OR4C6: variants seen among roughly 807,000 people sequenced by gnomAD.
OR4C6 encodes the protein olfactory receptor family 4 subfamily C member 6, also known as olfactory receptor 4C6.
A neutral mutation model predicts 13.9 loss-of-function variants in OR4C6; 20 were observed. That is an observed-to-expected ratio of 1.43 (90% CI 1.01 to 2.08). OR4C6 has a LOEUF of 2.08. OR4C6 is among the 30% of genes most tolerant of loss of function. OR4C6 has a pLI of 0.00. For missense variants in OR4C6, 555 were observed against 381.2 expected (o/e 1.46, Z -3.80); for synonymous variants, 193 against 141.5 (o/e 1.36, Z -2.58).
intron 1 of OR4C6, among the ~76,000 whole-genome samples, chr11:55,663,191 A>G (rs1858691207): frequency 7.3e-6 from 1 of 137,754 alleles, no homozygotes; most frequent in South Asian, 2.4e-4. Flanking sequence ...AGTATGGAAA[A>G]AAATAACAGG....
chr11:55,665,494 A>T lies in OR4C6; in HGVS notation c.328A>T (p.Ile110Phe), dbSNP rs1858729806. ...FVEHFFGGVG[I>F]ILLTVMAYDR... ...GGAGCATTTCTTTGGTGGTGTGGGG[A>T]TCATCCTCCTCACTGTGATGGCCTA... is the stretch of plus-strand genomic sequence containing the variant. The change falls in exon 2 of 2, where the codon ATC becomes TTC. Residue 110 changes from isoleucine to phenylalanine, a missense_variant. Coordinates refer to ENST00000314259, the MANE Select transcript of OR4C6 (RefSeq NM_001004704.2). 1.2e-6 allele frequency: 2 copies of T among 1,613,786 alleles called. No individual in the cohort carries two copies. Among genetic ancestry groups the T allele is most frequent in the South Asian group, 1.1e-5 (1 of 91,072 alleles).
rs528437339 is a variant in OR4C6 at position 55,665,895 on chromosome 11, G to A, written c.729G>A (p.Thr243=). ...TCTCTACCTGCAGCTCCCACCTCAC[G>A]GTGGTTGTATTGTTCTTTGTCCCCT... ...KALSTCSSHL[T]VVVLFFVPCI... The change falls in exon 2 of 2, where the codon ACG becomes ACA. Residue 243 remains threonine (T), a synonymous_variant. Coordinates refer to ENST00000314259, the MANE Select transcript of OR4C6 (RefSeq NM_001004704.2). 346 of 1,613,870 alleles carry A rather than the reference G, an allele frequency of 2.1e-4. 4 individuals carry two copies. In the South Asian group the frequency reaches 3.4e-3, roughly 16 times the overall value.
intron 1 of OR4C6, among the ~76,000 whole-genome samples, chr11:55,663,893 C>T (rs1244752992): frequency 7.3e-6 from 1 of 137,918 alleles, no homozygotes; most frequent in African/African-American, 2.5e-5. Context: ...TGAAGCTTTG[C>T]TTTTTGCAAA....
At chr11:55,662,909 G>A (rs1590486747) in intron 1 of OR4C6, among the ~76,000 whole-genome samples, 1 of 139,232 alleles carries the variant, frequency 7.2e-6, no homozygotes, top group Non-Finnish European at 1.6e-5. Flanking sequence ...ATTTCTCTAA[G>A]CCTCAGTTGC....
chr11:55,663,772 G>GT (rs34518678), intron 1 of OR4C6, among the ~76,000 whole-genome samples: 32,685 of 136,972 alleles, frequency 0.24, 8,989 homozygotes, highest in Admixed American at 0.32. Flanking sequence ...CACTTCCACA[G>GT]TTTCCTGTGG....
chr11:55,662,485 T>A (rs1336360757), intron 1 of OR4C6, among the ~76,000 whole-genome samples: 1 of 139,120 alleles, frequency 7.2e-6, no homozygotes, highest in East Asian at 2.3e-4. Flanking sequence ...ACTTTACTAT[T>A]CCCAGGAACT....
At chr11:55,664,594 G>T (rs537050596) in intron 1 of OR4C6, among the ~76,000 whole-genome samples, 3 of 152,094 alleles carry the variant, frequency 2.0e-5, no homozygotes, top group Non-Finnish European at 4.4e-5. Flanking sequence ...AATATACTTA[G>T]CATAGTGATT....
Position 55,665,905 on chromosome 11 carries a change from T to C in OR4C6, c.739T>C (p.Leu247=). The C allele has an allele frequency of 6.2e-7, 1 of 1,613,934 alleles. No individual in the cohort carries two copies. ...CAGCTCCCACCTCACGGTGGTTGTA[T>C]TGTTCTTTGTCCCCTGTATTTTCTT... ...TCSSHLTVVV[L]FFVPCIFLYM... is the part of the protein sequence containing the mutation. The change falls in exon 2 of 2, where the codon TTG becomes CTG. Residue 247 remains leucine, a synonymous_variant. Transcript: ENST00000314259.
Position 55,665,330 on chromosome 11 carries a change from C to T in OR4C6, c.164C>T (p.Ser55Leu), listed in dbSNP as rs770362920. ...VTIITSQSLR[S>L]PMYFFLTFLS... ...ATTATCACAAGTCAGAGTCTGAGGT[C>T]ACCTATGTATTTTTTTCTTACCTTC... The change falls in exon 2 of 2, where the codon TCA becomes TTA. Residue 55 changes from serine to leucine, a missense_variant. Physicochemically the swap from Ser to Leu is moderately radical, Grantham distance 145. Transcript: ENST00000314259. 3.1e-5 allele frequency: 50 copies of T among 1,613,514 alleles called. No individual in the cohort carries two copies. The highest frequency in any genetic ancestry group is 4.2e-5 in the Non-Finnish European group (49 of 1,179,774).
rs1401607144 is a variant in OR4C6, at chr11:55,665,601, G to A, written c.435G>A (p.Gly145=). The part of the protein sequence containing the change: ...SPRVCCLMVG[G]AWVGGFMHAM... ...GGGTGTGCTGCCTAATGGTAGGAGG[G>A]GCTTGGGTGGGGGGATTTATGCACG... Residue 145 remains glycine, a synonymous_variant, in exon 2 of 2, where the codon GGG becomes GGA. Coordinates refer to ENST00000314259, the MANE Select transcript of OR4C6 (RefSeq NM_001004704.2). 4 of 1,613,728 alleles carry A rather than the reference G, an allele frequency of 2.5e-6. No individual in the cohort carries two copies.
At position 55,665,867 on chromosome 11, in the gene OR4C6, C is replaced by A; in HGVS notation, c.701C>A (p.Ala234Asp). The A allele has an allele frequency of 6.2e-7, 1 of 1,613,886 alleles. No homozygotes were observed. The highest frequency in any genetic ancestry group is 8.5e-7 in the Non-Finnish European group (1 of 1,179,990). The change falls in exon 2 of 2, where the codon GCC (alanine) becomes GAC (aspartate). Residue 234 changes from alanine to aspartate, a missense_variant. Coordinates refer to ENST00000314259, the MANE Select transcript of OR4C6 (RefSeq NM_001004704.2). ...KSYSSKGRHK[A>D]LSTCSSHLTV... is the part of the protein sequence containing the mutation. ...TACAGCTCTAAAGGGCGGCACAAAG[C>A]CCTCTCTACCTGCAGCTCCCACCTC...
chr11:55,663,184 A>C lies in OR4C6; in HGVS notation c.-43+936A>C, dbSNP rs1368800871. Among the ~76,000 whole-genome samples the C allele has an allele frequency of 1.5e-5, 2 of 137,638 alleles. 1 individual carries two copies. Among genetic ancestry groups the C allele is most frequent in the Non-Finnish European group, 3.2e-5 (2 of 62,196 alleles). The allele number at this position is 137,638 out of a possible 152,430, so 90.3% of individuals were successfully genotyped here. ...ATACCCTTTGAACAGAAGATTAAGT[A>C]TGGAAAAAAATAACAGGGTATGAGT... On this transcript the variant is annotated intron_variant, in intron 1 of 1. Coordinates refer to ENST00000314259, the MANE Select transcript of OR4C6 (RefSeq NM_001004704.2).
chr11:55,664,377 G>A (rs187917696), intron 1 of OR4C6, among the ~76,000 whole-genome samples: 92 of 152,108 alleles, frequency 6.0e-4, no homozygotes, highest in African/African-American at 2.1e-3. Flanking sequence ...TTGGGGATCT[G>A]GAGTTTTGCT....
Position 55,665,340 on chromosome 11 carries a change from T to C in OR4C6, c.174T>C (p.Tyr58=). The change falls in exon 2 of 2, where the codon TAT becomes TAC. Residue 58 remains tyrosine, a synonymous_variant. Coordinates refer to ENST00000314259, the MANE Select transcript of OR4C6 (RefSeq NM_001004704.2). ...GTCAGAGTCTGAGGTCACCTATGTATTTTTTTCTTACCTTCTTGTCCCTTT... is the reference window on the plus strand; with the variant it reads ...GTCAGAGTCTGAGGTCACCTATGTACTTTTTTCTTACCTTCTTGTCCCTTT... ...ITSQSLRSPM[Y]FFLTFLSLLD... The C allele has an allele frequency of 5.0e-6, 8 of 1,613,538 alleles. No homozygotes were observed. The South Asian group carries it at 8.8e-5, about 18-fold the overall frequency.
rs1019812362 is a variant in OR4C6, at chr11:55,662,961, G to A, written c.-43+713G>A. Among the ~76,000 whole-genome samples the A allele has an allele frequency of 2.9e-5, 4 of 138,636 alleles. 1 individual carries two copies. The highest frequency in any genetic ancestry group is 1.6e-5 in the Non-Finnish European group (1 of 62,436). 91.0% of individuals were successfully genotyped at this position (138,636 alleles called of 152,430 possible). ...GTCATAATACTTATTTCATATGGCCGTTCATGATAATCAAATGAGAAAAAG... is the reference window on the plus strand; with the variant it reads ...GTCATAATACTTATTTCATATGGCCATTCATGATAATCAAATGAGAAAAAG... On this transcript the variant is annotated intron_variant, in intron 1 of 1. Coordinates refer to ENST00000314259, the MANE Select transcript of OR4C6 (RefSeq NM_001004704.2).
chr11:55,665,436 C>T lies in OR4C6; in HGVS notation c.270C>T (p.Ile90=), dbSNP rs748069911. Residue 90 remains isoleucine, a synonymous_variant, in exon 2 of 2, where the codon ATC becomes ATT. Coordinates refer to ENST00000314259, the MANE Select transcript of OR4C6 (RefSeq NM_001004704.2). ...ACACCCTCTCCAAGAGCACTACCAT[C>T]TCTCTCAAAGGCTGCCTCACCCAGC... The part of the protein sequence containing the change: ...IVDTLSKSTT[I]SLKGCLTQLF... 14 of 1,613,736 alleles carry T rather than the reference C, an allele frequency of 8.7e-6. No homozygotes were observed. Among genetic ancestry groups the T allele is most frequent in the Admixed American group, 1.7e-5 (1 of 59,958 alleles).
chr11:55,663,757 T>C (rs1858698236), intron 1 of OR4C6, among the ~76,000 whole-genome samples: 2 of 121,806 alleles, frequency 1.6e-5, no homozygotes, highest in African/African-American at 5.2e-5. Flanking sequence ...TTAAGTAATA[T>C]ATGGCACTTC....
chr11:55,662,339 G>T (rs578254626), intron 1 of OR4C6, 91 bp downstream of exon 1: 1 of 138,308 alleles, frequency 7.2e-6, no homozygotes, highest in South Asian at 2.4e-4. Context: ...GAGCTTATTG[G>T]ATAGGGAAAT....
intron 1 of OR4C6, among the ~76,000 whole-genome samples, chr11:55,664,730 C>T (rs1316967568): frequency 6.6e-6 from 1 of 151,970 alleles, no homozygotes; most frequent in Non-Finnish European, 1.5e-5. Flanking sequence ...TGTGACCTTG[C>T]TTAAGGTTCC....
Sources: gnomAD v4.1 joint callset for allele counts (sites outside exome capture counted in the v4.1 genomes callset) on GRCh38, gnomAD v4.1.1 for gene constraint, MANE v1.5 for transcripts, NCBI Gene and HGNC (gene_info 2026-07-23, HGNC 2026-07-21) for gene names.